SHISA9: variants seen among roughly 807,000 people sequenced by gnomAD.
The protein encoded by SHISA9 is shisa family member 9.
Under a neutral mutation model 38.0 loss-of-function variants are expected in SHISA9, and 13 were observed. The observed-to-expected ratio is 0.34, with a 90% confidence interval of 0.22 to 0.54. The LOEUF (loss-of-function observed/expected upper bound fraction) is 0.54, where lower values mean the gene tolerates loss of function less well. Among genes scored for constraint, SHISA9 ranks in the 20% least tolerant of loss-of-function variants. The pLI is 0.91. For missense variants in SHISA9, 538 were observed against 575.8 expected (o/e 0.93, Z 0.67); for synonymous variants, 275 against 242.0 (o/e 1.14, Z -1.27).
the SHISA9 span, among the ~76,000 whole-genome samples, chr16:13,531,322 T>C: frequency 3.3e-5 from 5 of 152,096 alleles, no homozygotes; most frequent in Non-Finnish European, 7.4e-5. Flanking sequence ...CCAGCAATAA[T>C]AAAAACAACA....
intron 2 of SHISA9, among the ~76,000 whole-genome samples, chr16:13,150,868 A>G (rs1338595276): frequency 6.6e-6 from 1 of 152,164 alleles, no homozygotes; most frequent in Non-Finnish European, 1.5e-5. Flanking sequence ...CCACAATGTA[A>G]CGTTTCCTTT....
At chr16:13,278,531 G>T in the SHISA9 span, among the ~76,000 whole-genome samples, 1 of 152,034 alleles carries the variant, frequency 6.6e-6, no homozygotes, top group African/African-American at 2.4e-5. Flanking sequence ...ATTCTGCTGT[G>T]AATCCATCTG....
intron 2 of SHISA9, among the ~76,000 whole-genome samples, chr16:13,037,780 T>C (rs1386462187): frequency 1.3e-5 from 2 of 152,176 alleles, no homozygotes; most frequent in African/African-American, 2.4e-5. Flanking sequence ...ATTCATTCAC[T>C]ACCTTCTCTC....
chr16:13,548,233 A>C, the SHISA9 span, among the ~76,000 whole-genome samples: 1 of 151,482 alleles, frequency 6.6e-6, no homozygotes, highest in Non-Finnish European at 1.5e-5. Flanking sequence ...AAAGATTTGC[A>C]TGTGAGACTC....
intron 4 of SHISA9, among the ~76,000 whole-genome samples, chr16:13,231,038 T>C (rs1477134362): frequency 6.6e-6 from 1 of 152,212 alleles, no homozygotes; most frequent in Non-Finnish European, 1.5e-5. Flanking sequence ...TGTCTCATCC[T>C]GTGACTAAGA....
intron 4 of SHISA9, among the ~76,000 whole-genome samples, chr16:13,222,197 CCAGGTCCCTCCCAA>C (rs945979116): frequency 2.6e-5 from 4 of 152,210 alleles, no homozygotes; most frequent in African/African-American, 7.2e-5. Flanking sequence ...GTCCCTCCCA[CCAGGTCCCTCCCAA>C]GACACTTGGG....
chr16:13,367,481 G>T, the SHISA9 span, among the ~76,000 whole-genome samples: 3 of 151,610 alleles, frequency 2.0e-5, no homozygotes, highest in Non-Finnish European at 4.4e-5. Flanking sequence ...AGGAAGCCAG[G>T]ATCCAGAGAA....
At chr16:13,535,921 T>C in the SHISA9 span, among the ~76,000 whole-genome samples, 2 of 152,208 alleles carry the variant, frequency 1.3e-5, no homozygotes, top group Admixed American at 1.3e-4. Context: ...ACTTTTCTTC[T>C]TACTCAGGCA....
intron 2 of SHISA9, among the ~76,000 whole-genome samples, chr16:13,137,491 C>G (rs182826581): frequency 1.0e-3 from 158 of 151,298 alleles, no homozygotes; most frequent in African/African-American, 3.7e-3. Flanking sequence ...GAGTCTCAAT[C>G]TGTTACCAGG....
the SHISA9 span, among the ~76,000 whole-genome samples, chr16:13,425,949 G>A: frequency 6.6e-6 from 1 of 152,158 alleles, no homozygotes; most frequent in Non-Finnish European, 1.5e-5. Context: ...GGCTGCCCAA[G>A]GTCAAGTACT....
At chr16:13,290,427 T>C in the SHISA9 span, among the ~76,000 whole-genome samples, 2 of 151,758 alleles carry the variant, frequency 1.3e-5, no homozygotes, top group Admixed American at 6.6e-5. Context: ...GGCACACCAT[T>C]GTTAAGACCT....
chr16:13,276,615 G>A, the SHISA9 span, among the ~76,000 whole-genome samples: 49 of 152,184 alleles, frequency 3.2e-4, no homozygotes, highest in Non-Finnish European at 5.9e-4. Context: ...CATTCTTGCA[G>A]GAGTAAGGTT....
chr16:12,918,649 A>G (rs1212617698), intron 2 of SHISA9, among the ~76,000 whole-genome samples: 1 of 152,176 alleles, frequency 6.6e-6, no homozygotes, highest in Non-Finnish European at 1.5e-5. Flanking sequence ...TGGTTTATTT[A>G]TGATTCTTGC....
the SHISA9 span, among the ~76,000 whole-genome samples, chr16:13,367,057 C>G: frequency 6.6e-6 from 1 of 151,442 alleles, no homozygotes; most frequent in East Asian, 1.9e-4. Flanking sequence ...AATTCCTGCC[C>G]TTCCTCAAAG....
At chr16:13,346,186 C>G in the SHISA9 span, among the ~76,000 whole-genome samples, 2 of 152,180 alleles carry the variant, frequency 1.3e-5, no homozygotes, top group Non-Finnish European at 2.9e-5. Context: ...CATTCTTTGG[C>G]TTCCCCTTCT....
chr16:13,504,132 A>G, the SHISA9 span, among the ~76,000 whole-genome samples: 2 of 152,172 alleles, frequency 1.3e-5, no homozygotes, highest in Non-Finnish European at 2.9e-5. Flanking sequence ...GCTGCTTACT[A>G]GTTAGTTTCC....
the SHISA9 span, among the ~76,000 whole-genome samples, chr16:13,374,245 C>T: frequency 6.6e-6 from 1 of 151,322 alleles, no homozygotes; most frequent in African/African-American, 2.4e-5. Context: ...TATACATGTG[C>T]CATGTTGGTG....
intron 2 of SHISA9, among the ~76,000 whole-genome samples, chr16:12,946,836 G>A (rs922011200): frequency 2.0e-5 from 3 of 152,252 alleles, no homozygotes; most frequent in African/African-American, 7.2e-5. Context: ...TCTAGGGCAG[G>A]AGGCAGCAAC....
chr16:13,032,248 C>G (rs1827313), intron 2 of SHISA9, among the ~76,000 whole-genome samples: 40,590 of 151,888 alleles, frequency 0.27, 5,780 homozygotes, highest in South Asian at 0.35. Context: ...TGGTTCAATT[C>G]CCACTTATGA....
Sources: allele counts gnomAD v4.1 joint callset (sites outside exome capture counted in the v4.1 genomes callset), GRCh38; gene constraint gnomAD v4.1.1; transcripts MANE v1.5; gene names NCBI Gene and HGNC (gene_info 2026-07-23, HGNC 2026-07-21).